KMT2C: variants seen among roughly 807,000 people sequenced by gnomAD.
The protein encoded by KMT2C is histone-lysine N-methyltransferase 2C.
A neutral mutation model predicts 507.9 loss-of-function variants in KMT2C; 88 were observed. The ratio of observed to expected loss-of-function variants is 0.17; its 90% CI spans 0.15 to 0.21. The LOEUF (loss-of-function observed/expected upper bound fraction) is 0.21, where lower values mean the gene tolerates loss of function less well. Among genes scored for constraint, KMT2C ranks in the 10% least tolerant of loss-of-function variants. The pLI is 1.00. For synonymous variants in KMT2C, 2,049 were observed against 2,080.8 expected (o/e 0.98, Z 0.42); for missense variants, 4,954 against 5,957.8 (o/e 0.83, Z 5.55).
At chr7:152,214,803 G>A (rs566906977) in intron 23 of KMT2C, among the ~76,000 whole-genome samples, 4 of 145,580 alleles carry the variant, frequency 2.7e-5, no homozygotes, top group South Asian at 4.9e-4. Context: ...GGGTCTGGAG[G>A]TAGGGGATGG....
chr7:152,261,829 C>G (rs1054973566), intron 9 of KMT2C, among the ~76,000 whole-genome samples: 1 of 152,080 alleles, frequency 6.6e-6, no homozygotes, highest in Admixed American at 6.5e-5. Context: ...CAGAGTTTTT[C>G]CTTTCCAATG....
intron 7 of KMT2C, among the ~76,000 whole-genome samples, chr7:152,267,660 A>G (rs140300590): frequency 1.3e-5 from 2 of 152,328 alleles, no homozygotes; most frequent in African/African-American, 4.8e-5. Flanking sequence ...ATCTCTACTT[A>G]TGGTTCTGAC....
intron 1 of KMT2C, among the ~76,000 whole-genome samples, chr7:152,422,063 C>T (rs572144680): frequency 1.3e-5 from 2 of 152,086 alleles, no homozygotes; most frequent in Non-Finnish European, 1.5e-5. Flanking sequence ...AAAAGCACAG[C>T]GTTAGCATAT....
intron 16 of KMT2C, among the ~76,000 whole-genome samples, chr7:152,231,836 T>C (rs2095126254): frequency 6.6e-6 from 1 of 151,092 alleles, no homozygotes; most frequent in South Asian, 2.1e-4. Flanking sequence ...AAGGACTACA[T>C]CTCAGTATTT....
intron 12 of KMT2C, among the ~76,000 whole-genome samples, chr7:152,250,213 TGA>T (rs528235876): frequency 1.2e-4 from 19 of 152,316 alleles, no homozygotes; most frequent in Middle Eastern, 3.4e-3. Flanking sequence ...ATAATTTTAA[TGA>T]GAGTTATTAT....
chr7:152,413,885 C>A (rs1306264785), intron 1 of KMT2C, among the ~76,000 whole-genome samples: 113 of 108,120 alleles, frequency 1.0e-3, no homozygotes, highest in African/African-American at 1.4e-3. Context: ...AACTCCGTCT[C>A]AAAAAAAAAA....
chr7:152,301,864 T>G (rs2096572067), intron 6 of KMT2C, among the ~76,000 whole-genome samples: 1 of 152,248 alleles, frequency 6.6e-6, no homozygotes, highest in African/African-American at 2.4e-5. Flanking sequence ...AGTCAGTAAC[T>G]TAAAGGATCT....
chr7:152,305,728 A>C (rs943278882), intron 6 of KMT2C, among the ~76,000 whole-genome samples: 1 of 152,218 alleles, frequency 6.6e-6, no homozygotes, highest in East Asian at 1.9e-4. Context: ...AGTTCTTAGG[A>C]GCTCCTTCAG....
chr7:152,394,945 T>C (rs2097527790), intron 1 of KMT2C, among the ~76,000 whole-genome samples: 1 of 152,208 alleles, frequency 6.6e-6, no homozygotes, highest in African/African-American at 2.4e-5. Context: ...ATTTTATTTA[T>C]GGTTTAATGC....
At chr7:152,342,386 T>C (rs2097003985) in intron 2 of KMT2C, among the ~76,000 whole-genome samples, 1 of 152,238 alleles carries the variant, frequency 6.6e-6, no homozygotes, top group East Asian at 1.9e-4. Context: ...TAGTTATTGT[T>C]AACAATTATA....
rs750493902 is a variant in KMT2C at position 152,139,179 on chromosome 7, G to A, written c.14534+7C>T. On this transcript the variant is annotated splice_region_variant and intron_variant, in intron 57 of 58. Transcript: ENST00000262189. ...AGCACTCCCCGTCAGGTTCCTCGCT[G>A]TCTCACCTTGCGGGCCCTCCTGTGA... 1 of 1,613,796 alleles carries A rather than the reference G, an allele frequency of 6.2e-7. No homozygotes were observed. The highest frequency in any genetic ancestry group is 8.5e-7 in the Non-Finnish European group (1 of 1,179,762).
chr7:152,335,428 T>C (rs2096925076), intron 2 of KMT2C, among the ~76,000 whole-genome samples: 1 of 152,146 alleles, frequency 6.6e-6, no homozygotes, highest in South Asian at 2.1e-4. Flanking sequence ...ATAAGAATAG[T>C]GCCTTCAGAA....
chr7:152,354,013 T>C (rs1408068362), intron 2 of KMT2C, among the ~76,000 whole-genome samples: 1 of 152,202 alleles, frequency 6.6e-6, no homozygotes, highest in Non-Finnish European at 1.5e-5. Flanking sequence ...TTATTCTTTC[T>C]TTCACTGTTC....
chr7:152,278,089 G>T (rs2096120884), intron 6 of KMT2C, among the ~76,000 whole-genome samples: 1 of 152,042 alleles, frequency 6.6e-6, no homozygotes, highest in Admixed American at 6.6e-5. Flanking sequence ...GGCCTTATGG[G>T]AGGTGTTTGG....
At chr7:152,202,510 G>A (rs959152839) in intron 26 of KMT2C, among the ~76,000 whole-genome samples, 11 of 152,126 alleles carry the variant, frequency 7.2e-5, no homozygotes, top group African/African-American at 2.7e-4. Flanking sequence ...CTCTAAAAGT[G>A]GTAACGATTA....
intron 4 of KMT2C, among the ~76,000 whole-genome samples, chr7:152,314,692 G>T (rs1005007090): frequency 4.6e-5 from 7 of 152,030 alleles, no homozygotes; most frequent in Admixed American, 4.6e-4. Context: ...TGACACAAAA[G>T]ACATGAGTAG....
At chr7:152,297,060 AGAGAGAGAGAG>A (rs1563767783) in intron 6 of KMT2C, among the ~76,000 whole-genome samples, 5 of 97,564 alleles carry the variant, frequency 5.1e-5, no homozygotes, top group African/African-American at 2.7e-4. Flanking sequence ...AAAGACAGAG[AGAGAGAGAGAG>A]AGAGAGAGAG....
intron 52 of KMT2C, among the ~76,000 whole-genome samples, chr7:152,147,019 T>C (rs1048601975): frequency 1.3e-5 from 2 of 152,236 alleles, no homozygotes; most frequent in Non-Finnish European, 2.9e-5. Flanking sequence ...TTTACTTTCA[T>C]AGTGGCCATA....
chr7:152,183,985 T>A (rs2093527898), intron 34 of KMT2C, among the ~76,000 whole-genome samples: 1 of 149,548 alleles, frequency 6.7e-6, no homozygotes, highest in Non-Finnish European at 1.5e-5. Flanking sequence ...GGCAGGAGAA[T>A]CGCTTGAATC....
Sources: allele counts gnomAD v4.1 joint callset (sites outside exome capture counted in the v4.1 genomes callset), GRCh38; gene constraint gnomAD v4.1.1; transcripts MANE v1.5; gene names NCBI Gene and HGNC (gene_info 2026-07-23, HGNC 2026-07-21).